The following NDUFB10 variants were observed in gnomAD, a reference collection of about 807,000 sequenced individuals.
The protein encoded by NDUFB10 is NADH:ubiquinone oxidoreductase subunit B10.
Under a neutral mutation model 19.0 loss-of-function variants are expected in NDUFB10, and 23 were observed. The ratio of observed to expected loss-of-function variants is 1.21; its 90% CI spans 0.87 to 1.71. The LOEUF (loss-of-function observed/expected upper bound fraction) is 1.71, where lower values mean the gene tolerates loss of function less well. Ranked by LOEUF, NDUFB10 falls within the 40% of genes most tolerant of loss-of-function variation. The pLI is 0.00. For missense variants in NDUFB10, 312 were observed against 230.6 expected (o/e 1.35, Z -2.29); for synonymous variants, 104 against 81.8 (o/e 1.27, Z -1.46).
At chr16:1,961,086 G>A in intron 1 of NDUFB10, 67 bp from the exon 2 acceptor site, 1 of 1,577,394 alleles carries the variant, frequency 6.3e-7, no homozygotes, top group Non-Finnish European at 8.6e-7. Context: ...GGGCTTATGA[G>A]AAATAAGAAA....
intron 1 of NDUFB10, 38 bp downstream of exon 1, chr16:1,959,792 T>C: frequency 6.2e-7 from 1 of 1,609,374 alleles, no homozygotes; most frequent in East Asian, 2.2e-5. Context: ...CGCCGGCCTC[T>C]GGGGACCCCT....
At position 1,961,510 on chromosome 16, in the gene NDUFB10, G is replaced by C. The variant is rs1169759323; in HGVS notation, c.283G>C (p.Glu95Gln). ...TTTCTCCACCAGCAAAGTCGACCAA[G>C]AAATTATCAACATTATGCAGGATCG... is the stretch of plus-strand genomic sequence containing the variant. The part of the protein sequence containing the change: ...QWKRDYKVDQ[E>Q]IINIMQDRLK... The change falls in exon 3 of 4, where the codon GAA becomes CAA. Residue 95 changes from glutamate (E) to glutamine (Q), a missense_variant. Glu to Gln is a conservative substitution (Grantham distance 29, BLOSUM62 2). Coordinates refer to ENST00000268668, the MANE Select transcript of NDUFB10 (RefSeq NM_004548.3). 6.2e-7 allele frequency: 1 copy of C among 1,614,024 alleles called. No homozygotes were observed. The highest frequency in any genetic ancestry group is 1.3e-5 in the African/African-American group (1 of 75,028).
intron 1 of NDUFB10, among the ~76,000 whole-genome samples, chr16:1,960,925 T>C (rs1194126047): frequency 2.6e-5 from 4 of 152,178 alleles, no homozygotes; most frequent in South Asian, 2.1e-4. Context: ...CATGTGGAAC[T>C]CTGAGGATGA....
In NDUFB10 at chr16:1,961,817, A is replaced by G; in HGVS notation, c.430A>G (p.Ser144Gly). 6.4e-7 allele frequency: 1 copy of G among 1,558,408 alleles called. No individual in the cohort carries two copies. The highest frequency in any genetic ancestry group is 1.2e-5 in the South Asian group (1 of 84,494). The change falls in exon 4 of 4, where the codon AGT becomes GGT. Residue 144 changes from serine (S) to glycine (G), a missense_variant. Coordinates refer to ENST00000268668, the MANE Select transcript of NDUFB10 (RefSeq NM_004548.3). ...QDRYQDLGAY[S>G]SARKCLAKQR... ...CCCAGATCAGGACCTGGGGGCCTAC[A>G]GTTCTGCCAGGAAGTGCCTGGCCAA...
At chr16:1,961,332 T>C (rs1320796119) in intron 2 of NDUFB10, 41 bp downstream of exon 2, 2 of 1,610,758 alleles carry the variant, frequency 1.2e-6, no homozygotes, top group Non-Finnish European at 8.5e-7. Context: ...CTGCACCGTG[T>C]GCTGCTGGGA....
intron 1 of NDUFB10, 111 bp downstream of exon 1, chr16:1,959,865 C>CG (rs1452051209): frequency 1.4e-5 from 20 of 1,424,960 alleles, no homozygotes; most frequent in Non-Finnish European, 1.9e-5. Flanking sequence ...GAGACCGCCC[C>CG]CCGCTGCACC....
At chr16:1,960,756 G>A (rs909929477) in intron 1 of NDUFB10, among the ~76,000 whole-genome samples, 5 of 152,222 alleles carry the variant, frequency 3.3e-5, no homozygotes, top group Admixed American at 3.3e-4. Flanking sequence ...AAGGTGGTAA[G>A]TTCTGCTTGC....
In NDUFB10 at chr16:1,961,618, A is replaced by C; in HGVS notation, c.391A>C (p.Lys131Gln). The part of the protein sequence containing the change: ...KEVEQFTQVA[K>Q]AYQDRYQDLG... ...AGTGGAGCAGTTCACCCAGGTGGCC[A>C]AGGCCTACCAGGACCGCTGTGCGTG... The change falls in exon 3 of 4, where the codon AAG (lysine) becomes CAG (glutamine). Residue 131 changes from lysine (K) to glutamine (Q), a missense_variant. Physicochemically the swap from Lys to Gln is moderately conservative, Grantham distance 53. Transcript: ENST00000268668. 5.0e-6 allele frequency: 8 copies of C among 1,613,460 alleles called. No individual in the cohort carries two copies. The highest frequency in any genetic ancestry group is 6.8e-6 in the Non-Finnish European group (8 of 1,179,952).
rs1271269917 is a variant in NDUFB10, at chr16:1,961,600, C to A, written c.373C>A (p.Gln125Lys). 7 of 1,613,912 alleles carry A rather than the reference C, an allele frequency of 4.3e-6. No individual in the cohort carries two copies. The highest frequency in any genetic ancestry group is 3.4e-6 in the Non-Finnish European group (4 of 1,179,994). Residue 125 changes from glutamine to lysine, a missense_variant, in exon 3 of 4, where the codon CAG (glutamine) becomes AAG (lysine). By Grantham distance (53) the Gln-to-Lys change is moderately conservative. Coordinates refer to ENST00000268668, the MANE Select transcript of NDUFB10 (RefSeq NM_004548.3). ...YQQNCIKEVE[Q>K]FTQVAKAYQD... is the part of the protein sequence containing the mutation. ...GCAGAACTGTATCAAGGAAGTGGAGCAGTTCACCCAGGTGGCCAAGGCCTA... is the reference window on the plus strand; with the variant it reads ...GCAGAACTGTATCAAGGAAGTGGAGAAGTTCACCCAGGTGGCCAAGGCCTA...
intron 3 of NDUFB10, 64 bp downstream of exon 3, chr16:1,961,700 G>C (rs1215393598): frequency 1.5e-6 from 2 of 1,361,290 alleles, no homozygotes; most frequent in Non-Finnish European, 1.9e-6. Flanking sequence ...CAGAACCATT[G>C]CAAATCTTCC....
rs763755867 is a variant in NDUFB10 at position 1,961,839 on chromosome 16, CCAAA to C, written c.455_458del (p.Lys152ArgfsTer39). 4.5e-6 allele frequency: 7 copies of C among 1,563,378 alleles called. No homozygotes were observed. The Admixed American group carries it at 9.6e-5, about 21-fold the overall frequency. On this transcript the variant is annotated frameshift_variant, in exon 4 of 4. Transcript: ENST00000268668. LOFTEE classifies it high-confidence loss of function. The stretch of plus-strand genomic sequence containing the variant: ...TACAGTTCTGCCAGGAAGTGCCTGG[CCAAA>C]CAGAGGCAGAGGATGCTGCAAGAGA...
chr16:1,960,234 T>TC (rs200343440), intron 1 of NDUFB10, among the ~76,000 whole-genome samples: 2 of 151,268 alleles, frequency 1.3e-5, no homozygotes, highest in Admixed American at 1.3e-4. Context: ...TGTTTTTTTT[T>TC]TTCCTGAGAC....
At chr16:1,959,784 C>T in intron 1 of NDUFB10, 30 bp downstream of exon 1, 2 of 1,611,294 alleles carry the variant, frequency 1.2e-6, no homozygotes, top group Non-Finnish European at 1.7e-6. Context: ...GGCTCCCTCG[C>T]CGGCCTCTGG....
intron 1 of NDUFB10, 47 bp downstream of exon 1, chr16:1,959,801 C>T: frequency 6.2e-7 from 1 of 1,607,798 alleles, no homozygotes; most frequent in Non-Finnish European, 8.5e-7. Flanking sequence ...CTGGGGACCC[C>T]TGGATCCCAC....
At chr16:1,960,032 A>G (rs1374276481) in intron 1 of NDUFB10, among the ~76,000 whole-genome samples, 1 of 148,648 alleles carries the variant, frequency 6.7e-6, no homozygotes, top group Non-Finnish European at 1.5e-5. Context: ...TGCCGCACCC[A>G]GCGCCCACTG....
At position 1,961,261 on chromosome 16, in the gene NDUFB10, AT is replaced by A; in HGVS notation, c.240del (p.Tyr80Ter). On this transcript the variant is annotated frameshift_variant, in exon 2 of 4. Coordinates refer to ENST00000268668, the MANE Select transcript of NDUFB10 (RefSeq NM_004548.3). LOFTEE classifies it high-confidence loss of function. ...ECKEEDIMCM[Y>X]EAEMQWKRDY... The stretch of plus-strand genomic sequence containing the variant: ...AAGGAGGAGGACATCATGTGCATGT[AT>A]GAAGCCGAAATGCAGTGGAAGAGGG... 1 of 1,614,048 alleles carries A rather than the reference AT, an allele frequency of 6.2e-7. No homozygotes were observed. The highest frequency in any genetic ancestry group is 1.1e-5 in the South Asian group (1 of 91,092).
Position 1,959,665 on chromosome 16 carries a change from C to T in NDUFB10, c.41C>T (p.Pro14Leu), listed in dbSNP as rs745913871. Residue 14 changes from proline (P) to leucine (L), a missense_variant, in exon 1 of 4, where the codon CCG (proline) becomes CTG (leucine). Pro to Leu is a moderately conservative substitution (Grantham distance 98, BLOSUM62 -3). Transcript: ENST00000268668. ...GACAAGGATGTGTACCCTGAGCCCC[C>T]GCGCCGCACGCCGGTGCAGCCCAAT... ...SWDKDVYPEP[P>L]RRTPVQPNPI... The T allele has an allele frequency of 1.9e-6, 3 of 1,613,042 alleles. No individual in the cohort carries two copies. Among genetic ancestry groups the T allele is most frequent in the Non-Finnish European group, 2.5e-6 (3 of 1,179,744 alleles).
At position 1,961,265 on chromosome 16, in the gene NDUFB10, A is replaced by G; in HGVS notation, c.243A>G (p.Glu81=). ...CKEEDIMCMY[E]AEMQWKRDYK... is the part of the protein sequence containing the mutation. ...AGGAGGACATCATGTGCATGTATGA[A>G]GCCGAAATGCAGTGGAAGAGGGACT... is the stretch of plus-strand genomic sequence containing the variant. The change falls in exon 2 of 4, where the codon GAA becomes GAG. Residue 81 remains glutamate (E), a synonymous_variant. Transcript: ENST00000268668. 1 of 1,614,020 alleles carries G rather than the reference A, an allele frequency of 6.2e-7. No individual in the cohort carries two copies.
intron 1 of NDUFB10, among the ~76,000 whole-genome samples, chr16:1,960,625 G>A (rs1342788379): frequency 3.9e-5 from 6 of 152,238 alleles, no homozygotes; most frequent in Non-Finnish European, 4.4e-5. Flanking sequence ...TGGAAACCGT[G>A]CAACAGCGGA....
Sources: gnomAD v4.1 joint callset for allele counts (sites outside exome capture counted in the v4.1 genomes callset) on GRCh38, gnomAD v4.1.1 for gene constraint, MANE v1.5 for transcripts, NCBI Gene and HGNC (gene_info 2026-07-23, HGNC 2026-07-21) for gene names.